Variants in VPS8 observed in about 807,000 individuals in gnomAD.
VPS8 encodes VPS8 subunit of CORVET complex, also known as vacuolar protein sorting-associated protein 8 homolog.
VPS8 carries 129 observed loss-of-function variants against 216.4 expected under a neutral mutation model. The ratio of observed to expected loss-of-function variants is 0.60; its 90% CI spans 0.52 to 0.69. VPS8 has a LOEUF of 0.69. Ranked by LOEUF, VPS8 falls within the 30% of genes least tolerant of loss-of-function variation. The pLI, the probability that VPS8 is intolerant of heterozygous loss-of-function variation, is 0.00. For synonymous variants in VPS8, 571 were observed against 565.4 expected (o/e 1.01, Z -0.14); for missense variants, 1,531 against 1,683.5 (o/e 0.91, Z 1.59).
chr3:184,892,906 A>C (rs1732640857), intron 22 of VPS8, among the ~76,000 whole-genome samples: 1 of 152,190 alleles, frequency 6.6e-6, no homozygotes, highest in African/African-American at 2.4e-5. Flanking sequence ...AGGGCTTCCA[A>C]ATCTGACATT....
chr3:184,956,835 A>G (rs897072052), intron 36 of VPS8, among the ~76,000 whole-genome samples: 9 of 152,212 alleles, frequency 5.9e-5, no homozygotes, highest in Non-Finnish European at 1.3e-4. Context: ...AACCAAAAAA[A>G]TTAGTCCTCA....
intron 25 of VPS8, among the ~76,000 whole-genome samples, chr3:184,906,704 C>T (rs1002441024): frequency 3.9e-5 from 6 of 152,064 alleles, no homozygotes; most frequent in African/African-American, 1.4e-4. Context: ...CAGAAGTTAA[C>T]TTGTAAAGGA....
chr3:184,893,174 GGGTGGTGTGGAGTTCT>G lies in VPS8; in HGVS notation c.1782-1524_1782-1509del, dbSNP rs1421521204. 5 of 917,436 alleles carry G rather than the reference GGGTGGTGTGGAGTTCT, an allele frequency of 5.4e-6. No homozygotes were observed. In the African/African-American group the frequency reaches 9.0e-5, roughly 17 times the overall value. 56.8% of individuals were successfully genotyped at this position (917,436 alleles called of 1,614,324 possible). A position where few individuals can be genotyped will look rare whatever the true frequency, so the allele number is the denominator to read the frequency against. On this transcript the variant is annotated intron_variant, in intron 22 of 47. Coordinates refer to ENST00000625842, the MANE Select transcript of VPS8 (RefSeq NM_001009921.3). ...AATGTTGCAAATGCTGTTAATTGCA[GGGTGGTGTGGAGTTCT>G]GGTGCAGTTGTAGCCAGTCTGTTTT...
intron 37 of VPS8, among the ~76,000 whole-genome samples, chr3:184,958,532 C>T (rs569233758): frequency 2.0e-5 from 3 of 152,140 alleles, no homozygotes; most frequent in Non-Finnish European, 4.4e-5. Context: ...ACAGATTTTC[C>T]TGGATTGCCG....
intron 1 of VPS8, among the ~76,000 whole-genome samples, chr3:184,823,318 C>T (rs946761910): frequency 1.1e-4 from 16 of 152,176 alleles, no homozygotes; most frequent in African/African-American, 3.6e-4. Context: ...TTGGAGGCCA[C>T]GTTGACAATA....
chr3:185,039,529 T>G lies in VPS8; in HGVS notation c.4057-8950T>G, dbSNP rs541003345. On this transcript the variant is annotated intron_variant, in intron 46 of 47. Transcript: ENST00000625842. The stretch of plus-strand genomic sequence containing the variant: ...AAGCCAACGCTATGACACTGTGGGG[T>G]TTTTTTTTTGGAAAAGAAATGCTTT... Among the ~76,000 whole-genome samples, 206 of 144,590 alleles carry G rather than the reference T, an allele frequency of 1.4e-3. 2 individuals are homozygous for G. Among genetic ancestry groups the G allele is most frequent in the African/African-American group, 5.1e-3 (194 of 38,040 alleles). The allele number at this position is 144,590 out of a possible 152,430, so 94.9% of individuals were successfully genotyped here. A position where few individuals can be genotyped will look rare whatever the true frequency, so the allele number is the denominator to read the frequency against.
rs752051479 is a variant in VPS8 at position 184,983,015 on chromosome 3, T to C, written c.3506T>C (p.Leu1169Pro). The change falls in exon 42 of 48, where the codon CTG (leucine) becomes CCG (proline). Residue 1169 changes from leucine (L) to proline (P), a missense_variant. Around this residue, in one of 3 missense-constraint regions of VPS8, gnomAD observed 1,318 missense variants for 1,468.4 expected, o/e 0.90. Coordinates refer to ENST00000625842, the MANE Select transcript of VPS8 (RefSeq NM_001009921.3). ...SAIPHLHSEA[L>P]KSLTMQVLNS... ...TGTTAATATTTTGTTATAACAGCTCTGAAGTCTTTGACCATGCAAGTTTTA... is the reference window on the plus strand; with the variant it reads ...TGTTAATATTTTGTTATAACAGCTCCGAAGTCTTTGACCATGCAAGTTTTA... 5 of 1,601,930 alleles carry C rather than the reference T, an allele frequency of 3.1e-6. No homozygotes were observed. The South Asian group carries it at 5.7e-5, about 18-fold the overall frequency.
intron 1 of VPS8, among the ~76,000 whole-genome samples, chr3:184,821,388 G>C (rs12633027): frequency 6.6e-6 from 1 of 151,858 alleles, no homozygotes; most frequent in African/African-American, 2.4e-5. Flanking sequence ...CTGTTGCCCA[G>C]GCTGGAGTGC....
intron 14 of VPS8, among the ~76,000 whole-genome samples, chr3:184,858,481 A>G (rs1408488604): frequency 1.3e-5 from 2 of 152,234 alleles, no homozygotes; most frequent in East Asian, 1.9e-4. Flanking sequence ...TCTTTTTCAC[A>G]TTATTAACTA....
At chr3:185,048,291 G>A (rs1369508685) in intron 46 of VPS8, among the ~76,000 whole-genome samples, 188 bp from the exon 47 acceptor site, 1 of 152,194 alleles carries the variant, frequency 6.6e-6, no homozygotes, top group Non-Finnish European at 1.5e-5. Flanking sequence ...GCCACACCAA[G>A]GAGGGATCTT....
intron 34 of VPS8, among the ~76,000 whole-genome samples, chr3:184,933,967 G>A (rs559880537): frequency 1.3e-5 from 2 of 152,188 alleles, no homozygotes; most frequent in East Asian, 3.9e-4. Context: ...AACTTATCAA[G>A]TTCCACCAAA....
At chr3:184,858,218 T>C (rs997971647) in intron 14 of VPS8, among the ~76,000 whole-genome samples, 1 of 152,126 alleles carries the variant, frequency 6.6e-6, no homozygotes, top group Non-Finnish European at 1.5e-5. Context: ...TGACTGAGGA[T>C]ATAGAGTGTG....
intron 34 of VPS8, among the ~76,000 whole-genome samples, chr3:184,931,728 A>T (rs1740718646): frequency 6.6e-6 from 1 of 152,132 alleles, no homozygotes; most frequent in African/African-American, 2.4e-5. Context: ...CAACAAGATG[A>T]ATATATCTTG....
At chr3:184,945,229 C>T (rs1411493434) in intron 36 of VPS8, among the ~76,000 whole-genome samples, 1 of 150,974 alleles carries the variant, frequency 6.6e-6, no homozygotes, top group Non-Finnish European at 1.5e-5. Context: ...CAGTACTTAC[C>T]TATAATGAAA....
chr3:184,928,595 C>T, intron 32 of VPS8, 62 bp downstream of exon 32: 1 of 1,233,198 alleles, frequency 8.1e-7, no homozygotes, highest in Non-Finnish European at 1.1e-6. Context: ...ATTTCTTTAA[C>T]TTAAAGCTCA....
intron 5 of VPS8, chr3:184,836,318 A>T (rs763699902): frequency 4.4e-6 from 2 of 456,570 alleles, no homozygotes; most frequent in African/African-American, 4.0e-5. Flanking sequence ...CGTTTTCTGA[A>T]TTTAATCCTT....
At chr3:184,856,356 G>A (rs1485303263) in intron 14 of VPS8, among the ~76,000 whole-genome samples, 2 of 152,208 alleles carry the variant, frequency 1.3e-5, no homozygotes, top group Non-Finnish European at 2.9e-5. Context: ...TGATTAGTAT[G>A]GACTAGAGAG....
At chr3:185,040,204 G>A (rs541245036) in intron 46 of VPS8, among the ~76,000 whole-genome samples, 2 of 152,120 alleles carry the variant, frequency 1.3e-5, no homozygotes, top group East Asian at 1.9e-4. Flanking sequence ...ATCTCAACAC[G>A]AGTGTTGGAG....
intron 16 of VPS8, among the ~76,000 whole-genome samples, chr3:184,865,987 T>TA (rs34631606): frequency 0.25 from 35,617 of 141,372 alleles, 4,882 homozygotes; most frequent in East Asian, 0.63. Flanking sequence ...GACTCCATCT[T>TA]AAAAAAAAAA....
Sources: allele counts gnomAD v4.1 joint callset (sites outside exome capture counted in the v4.1 genomes callset), GRCh38; gene constraint gnomAD v4.1.1; regional missense constraint gnomAD v4.1.1; transcripts MANE v1.5; gene names NCBI Gene and HGNC (gene_info 2026-07-23, HGNC 2026-07-21).